SEPTIN7: variants seen among roughly 807,000 people sequenced by gnomAD.
SEPTIN7 encodes the protein septin-7.
In SEPTIN7, 10 loss-of-function variants were observed where a neutral mutation model predicts 63.3. That is an observed-to-expected ratio of 0.16 (90% confidence interval 0.10 to 0.27). The LOEUF (loss-of-function observed/expected upper bound fraction) is 0.27, where lower values mean the gene tolerates loss of function less well. SEPTIN7 is among the 10% of genes least tolerant of loss of function. SEPTIN7 has a pLI of 1.00. For synonymous variants in SEPTIN7, 131 were observed against 165.3 expected (o/e 0.79, Z 1.59); for missense variants, 310 against 521.0 (o/e 0.59, Z 3.94).
chr7:35,842,257 A>T (rs1401103344), intron 3 of SEPTIN7, among the ~76,000 whole-genome samples: 1 of 152,122 alleles, frequency 6.6e-6, no homozygotes, highest in African/African-American at 2.4e-5. Flanking sequence ...GAATTATTTT[A>T]AAGATTGGAA....
At chr7:35,912,092 T>C (rs145334713), downstream of SEPTIN7, among the ~76,000 whole-genome samples, 1,002 of 152,284 alleles carry the variant, frequency 6.6e-3, 14 homozygotes, top group African/African-American at 0.023. Context: ...CTTTTATCGA[T>C]TTGCAAATCA....
At chr7:35,857,892 G>GT (rs2116106840) in intron 3 of SEPTIN7, among the ~76,000 whole-genome samples, 1 of 152,136 alleles carries the variant, frequency 6.6e-6, no homozygotes, top group African/African-American at 2.4e-5. Flanking sequence ...AAAAAGGGGG[G>GT]TGGGGTGGTG....
intron 1 of SEPTIN7, among the ~76,000 whole-genome samples, chr7:35,815,512 T>C (rs1168961896): frequency 6.6e-6 from 1 of 152,234 alleles, no homozygotes; most frequent in Non-Finnish European, 1.5e-5. Flanking sequence ...TTGAGAAACC[T>C]GGCTTTCATC....
At chr7:35,854,943 G>C (rs1053728617) in intron 3 of SEPTIN7, among the ~76,000 whole-genome samples, 5 of 151,956 alleles carry the variant, frequency 3.3e-5, no homozygotes, top group Admixed American at 2.0e-4. Context: ...GCTTCCCAAA[G>C]AAAGAAAAGC....
chr7:35,865,759 G>C (rs1391712484), intron 4 of SEPTIN7, among the ~76,000 whole-genome samples: 1 of 151,820 alleles, frequency 6.6e-6, no homozygotes, highest in East Asian at 1.9e-4. Flanking sequence ...TGATTTATAG[G>C]AGTTTTAAAA....
chr7:35,909,109 A>C (rs147981466), downstream of SEPTIN7, among the ~76,000 whole-genome samples: 2 of 152,294 alleles, frequency 1.3e-5, no homozygotes, highest in African/African-American at 4.8e-5. Context: ...GGTGGGACAT[A>C]ATAGGAGCTG....
intron 1 of SEPTIN7, among the ~76,000 whole-genome samples, chr7:35,823,060 T>C (rs1783309497): frequency 1.3e-5 from 2 of 152,026 alleles, no homozygotes. Flanking sequence ...AATAGCCCTA[T>C]GGAGGAATGG....
At chr7:35,910,952 G>C (rs1788730580), downstream of SEPTIN7, among the ~76,000 whole-genome samples, 1 of 152,170 alleles carries the variant, frequency 6.6e-6, no homozygotes. Context: ...ACCAGCAGTC[G>C]ATTTGGATAC....
chr7:35,829,771 G>A (rs2115866051), intron 1 of SEPTIN7, among the ~76,000 whole-genome samples: 1 of 152,334 alleles, frequency 6.6e-6, no homozygotes, highest in Middle Eastern at 3.4e-3. Context: ...ATGTGTGTTG[G>A]ATAATGGCAA....
At chr7:35,903,411 G>C (rs1441163553) in intron 13 of SEPTIN7, among the ~76,000 whole-genome samples, 196 bp downstream of exon 13, 1 of 151,952 alleles carries the variant, frequency 6.6e-6, no homozygotes, top group Non-Finnish European at 1.5e-5. Context: ...TATTTTTTCA[G>C]TACATCTTTC....
At chr7:35,855,853 A>G (rs1785177193) in intron 3 of SEPTIN7, among the ~76,000 whole-genome samples, 1 of 152,182 alleles carries the variant, frequency 6.6e-6, no homozygotes. Flanking sequence ...TTGACAATTA[A>G]GCATATTATT....
chr7:35,819,385 A>G (rs1789273616), intron 1 of SEPTIN7, among the ~76,000 whole-genome samples: 1 of 152,184 alleles, frequency 6.6e-6, no homozygotes, highest in Non-Finnish European at 1.5e-5. Flanking sequence ...CTTCTGGAGA[A>G]TATTCCATGT....
intron 4 of SEPTIN7, among the ~76,000 whole-genome samples, chr7:35,872,000 T>G (rs1786182246): frequency 6.6e-6 from 1 of 152,210 alleles, no homozygotes; most frequent in African/African-American, 2.4e-5. Context: ...AATCAGTTAG[T>G]AAGGTTTCAC....
At chr7:35,885,570 A>T (rs1408083520) in intron 9 of SEPTIN7, among the ~76,000 whole-genome samples, 1 of 152,110 alleles carries the variant, frequency 6.6e-6, no homozygotes, top group Admixed American at 6.5e-5. Flanking sequence ...TCAGAATTTC[A>T]AAGTTGTTTC....
chr7:35,841,683 C>T (rs752009915), intron 3 of SEPTIN7, among the ~76,000 whole-genome samples: 27 of 152,026 alleles, frequency 1.8e-4, no homozygotes, highest in Admixed American at 5.2e-4. Context: ...ATATGAAGGC[C>T]GCATAGTCTG....
At chr7:35,855,587 G>A (rs1302756819) in intron 3 of SEPTIN7, among the ~76,000 whole-genome samples, 1 of 152,132 alleles carries the variant, frequency 6.6e-6, no homozygotes, top group Non-Finnish European at 1.5e-5. Flanking sequence ...AGATTTTTAT[G>A]TGTAATACTC....
chr7:35,807,809 A>G (rs559766645), intron 1 of SEPTIN7, among the ~76,000 whole-genome samples: 1 of 147,354 alleles, frequency 6.8e-6, no homozygotes, highest in African/African-American at 2.5e-5. Flanking sequence ...CTTTTTAAAA[A>G]TTTTATTGGG....
chr7:35,889,603 G>A (rs1562581797), intron 10 of SEPTIN7, among the ~76,000 whole-genome samples: 1 of 152,068 alleles, frequency 6.6e-6, no homozygotes, highest in Non-Finnish European at 1.5e-5. Flanking sequence ...GGAGTGCAAT[G>A]CGTGATCTTG....
chr7:35,861,040 A>C (rs1785477915), intron 3 of SEPTIN7, among the ~76,000 whole-genome samples: 1 of 151,788 alleles, frequency 6.6e-6, no homozygotes, highest in African/African-American at 2.4e-5. Flanking sequence ...AGATTTGATA[A>C]TTTCTGTTGT....
Sources: gnomAD v4.1 joint callset for allele counts (sites outside exome capture counted in the v4.1 genomes callset) on GRCh38, gnomAD v4.1.1 for gene constraint, MANE v1.5 for transcripts, NCBI Gene and HGNC (gene_info 2026-07-23, HGNC 2026-07-21) for gene names.